Variants in PCDHGA12 observed in about 807,000 individuals in gnomAD.
The protein encoded by PCDHGA12 is protocadherin gamma subfamily A, 12.
Under a neutral mutation model 61.1 loss-of-function variants are expected in PCDHGA12, and 43 were observed. The ratio of observed to expected loss-of-function variants is 0.70; its 90% confidence interval spans 0.55 to 0.91. The LOEUF is 0.91. Ranked by LOEUF, PCDHGA12 falls within the 40% of genes least tolerant of loss-of-function variation. The pLI, the probability that PCDHGA12 is intolerant of heterozygous loss-of-function variation, is 0.00. For missense variants in PCDHGA12, 1,236 were observed against 1,227.7 expected, an observed-to-expected ratio of 1.01 and a Z score of -0.10; for synonymous variants, 520 against 542.9, an observed-to-expected ratio of 0.96 and a Z score of 0.59.
At position 141,489,515 on chromosome 5, in the gene PCDHGA12, G is replaced by T; in HGVS notation, c.2425-5292G>T. ...CTGGCAGTGAATCAAAAGATTGACC[G>T]AGAAAGCCTATGTGGAGCCAGCACC... On this transcript the variant is annotated intron_variant, in intron 1 of 3. Coordinates refer to ENST00000252085, the MANE Select transcript of PCDHGA12 (RefSeq NM_003735.3). This position sits in a 1 kb window ranked among gnomAD's most constrained non-coding sequence, Gnocchi z 4.5. 4.3e-6 allele frequency: 7 copies of T among 1,614,104 alleles called. No individual in the cohort carries two copies. Among genetic ancestry groups the T allele is most frequent in the Non-Finnish European group, 5.9e-6 (7 of 1,180,034 alleles).
rs951964805 is a variant in PCDHGA12, at chr5:141,512,109, C to A, written c.*936C>A. The A allele has an allele frequency of 1.0e-4, 16 of 152,656 alleles. No individual in the cohort carries two copies. The highest frequency in any genetic ancestry group is 1.5e-5 in the Non-Finnish European group (1 of 68,058). 9.5% of individuals were successfully genotyped at this position (152,656 alleles called of 1,614,324 possible). Reference sequence around the variant, plus strand: ...ACCAATAACTAGGCTGGACCCTTCCCACTACATAATAGGGCTCAGCCCAGG... The same window carrying A: ...ACCAATAACTAGGCTGGACCCTTCCAACTACATAATAGGGCTCAGCCCAGG... On this transcript the variant is annotated 3_prime_UTR_variant, in exon 4 of 4. Coordinates refer to ENST00000252085, the MANE Select transcript of PCDHGA12 (RefSeq NM_003735.3).
Position 141,432,061 on chromosome 5 carries a change from G to A in PCDHGA12, c.1302G>A (p.Thr434=). 1 of 1,614,130 alleles carries A rather than the reference G, an allele frequency of 6.2e-7. No homozygotes were observed. The highest frequency in any genetic ancestry group is 8.5e-7 in the Non-Finnish European group (1 of 1,180,034). ...ACCGGGGAACCCCGCCCCTATCCAC[G>A]GAAACTCATATCTCGCTGAACGTGG... The part of the protein sequence containing the change: ...ATDRGTPPLS[T]ETHISLNVAD... Residue 434 remains threonine, a synonymous_variant, in exon 1 of 4, where the codon ACG becomes ACA. Coordinates refer to ENST00000252085, the MANE Select transcript of PCDHGA12 (RefSeq NM_003735.3). The surrounding 1 kb of genome is among the most constrained non-coding windows in gnomAD (Gnocchi z 6.0).
rs768383792 is a variant in PCDHGA12 at position 141,476,155 on chromosome 5, C to A, written c.2425-18652C>A. 1.2e-6 allele frequency: 2 copies of A among 1,612,382 alleles called. No homozygotes were observed. Among genetic ancestry groups the A allele is most frequent in the Non-Finnish European group, 1.7e-6 (2 of 1,179,764 alleles). On this transcript the variant is annotated intron_variant, in intron 1 of 3. Coordinates refer to ENST00000252085, the MANE Select transcript of PCDHGA12 (RefSeq NM_003735.3). This position sits in a 1 kb window ranked among gnomAD's most constrained non-coding sequence, Gnocchi z 7.6. ...CCTGGAGGAGCGGACTGGTAAGCAC[C>A]GGGAGGGTAGTGGGAGTTTTGCTTC... is the stretch of plus-strand genomic sequence containing the variant.
chr5:141,510,813 C>G, intron 3 of PCDHGA12, 134 bp from the exon 4 acceptor site: 2 of 1,537,024 alleles, frequency 1.3e-6, no homozygotes, highest in Non-Finnish European at 1.8e-6. Context: ...CTTGGTGACC[C>G]CTATATTCCC....
intron 1 of PCDHGA12, among the ~76,000 whole-genome samples, chr5:141,462,218 C>T (rs2099034952): frequency 6.6e-6 from 1 of 152,180 alleles, no homozygotes; most frequent in African/African-American, 2.4e-5. Context: ...CCTCGGCCTC[C>T]CAAAGTGCAG....
At chr5:141,488,217 A>G (rs537136341) in intron 1 of PCDHGA12, among the ~76,000 whole-genome samples, 2 of 152,274 alleles carry the variant, frequency 1.3e-5, no homozygotes, top group East Asian at 1.9e-4. Flanking sequence ...TCAAGTCCCT[A>G]CTGGGGATTT....
chr5:141,492,934 G>A (rs1382515835), intron 1 of PCDHGA12, among the ~76,000 whole-genome samples: 7 of 152,236 alleles, frequency 4.6e-5, no homozygotes, highest in Admixed American at 4.6e-4. Flanking sequence ...TAGGGTCAGA[G>A]ATTTGGAGGT....
Position 141,431,897 on chromosome 5 carries a change from G to A in PCDHGA12, c.1138G>A (p.Gly380Arg). Residue 380 changes from glycine to arginine, a missense_variant, in exon 1 of 4, where the codon GGA (glycine) becomes AGA (arginine). Gly to Arg is a moderately radical substitution (Grantham distance 125, BLOSUM62 -2). Transcript: ENST00000252085. This position sits in a 1 kb window ranked among gnomAD's most constrained non-coding sequence, Gnocchi z 4.8. ...NVNDQDSEEN[G>R]QVICFIQGNL... ...AAATGACCAAGATTCTGAGGAAAAC[G>A]GACAGGTGATCTGTTTCATCCAAGG... is the stretch of plus-strand genomic sequence containing the variant. 6 of 1,613,830 alleles carry A rather than the reference G, an allele frequency of 3.7e-6. No individual in the cohort carries two copies. The highest frequency in any genetic ancestry group is 5.1e-6 in the Non-Finnish European group (6 of 1,179,704).
In PCDHGA12 at chr5:141,430,969, TAGGACGCA is replaced by T. The variant is rs775497521; in HGVS notation, c.211_218del (p.Arg71AlafsTer40). The T allele has an allele frequency of 7.3e-5, 118 of 1,613,012 alleles. 1 individual carries two copies. The Middle Eastern group carries it at 1.8e-3, about 25-fold the overall frequency. On this transcript the variant is annotated frameshift_variant, in exon 1 of 4. Transcript: ENST00000252085. LOFTEE classifies it high-confidence loss of function. ...GCGGAGTCCGCATCATCCCCAGAGG[TAGGACGCA>T]GCTTTTCGCCCTGAATCCGCGCAGC...
In PCDHGA12 at chr5:141,489,375, G is replaced by A. The variant is rs768190252; in HGVS notation, c.2425-5432G>A. The A allele has an allele frequency of 1.2e-5, 19 of 1,613,826 alleles. No individual in the cohort carries two copies. The Admixed American group carries it at 3.2e-4, about 27-fold the overall frequency. ...AGGAGTCTGAGCCGGGGACGCTGGT[G>A]GGGAATGTTGCTCAGGATCTGGGCT... On this transcript the variant is annotated intron_variant, in intron 1 of 3. Transcript: ENST00000252085. The surrounding 1 kb of genome is among the most constrained non-coding windows in gnomAD (Gnocchi z 4.5).
In PCDHGA12 at chr5:141,493,364, TTGGAAC is replaced by T. The variant is rs1405602213; in HGVS notation, c.2425-1441_2425-1436del. Among the ~76,000 whole-genome samples, 1 of 152,184 alleles carries T rather than the reference TTGGAAC, an allele frequency of 6.6e-6. No homozygotes were observed. Among genetic ancestry groups the T allele is most frequent in the South Asian group, 2.1e-4 (1 of 4,824 alleles). On this transcript the variant is annotated intron_variant, in intron 1 of 3. Coordinates refer to ENST00000252085, the MANE Select transcript of PCDHGA12 (RefSeq NM_003735.3). The surrounding 1 kb of genome is among the most constrained non-coding windows in gnomAD (Gnocchi z 4.3). Reference sequence around the variant, plus strand: ...ATGTGTGCTTTTAATTTCTTGGCACTTGGAACTTTAAAAGCTTGAGGACAGGAGAGG... The same window carrying T: ...ATGTGTGCTTTTAATTTCTTGGCACTTTTAAAAGCTTGAGGACAGGAGAGG...
intron 1 of PCDHGA12, among the ~76,000 whole-genome samples, chr5:141,445,429 C>G (rs974775529): frequency 2.6e-5 from 4 of 152,200 alleles, no homozygotes; most frequent in Non-Finnish European, 5.9e-5. Flanking sequence ...ATGCAAGGCA[C>G]TGACCTATGG....
chr5:141,465,893 C>T (rs926928579), intron 1 of PCDHGA12, among the ~76,000 whole-genome samples: 23 of 152,078 alleles, frequency 1.5e-4, no homozygotes, highest in Middle Eastern at 3.4e-3. Context: ...GAGGCCGAGG[C>T]GGGCAAATCA....
chr5:141,486,146 G>T lies in PCDHGA12; in HGVS notation c.2425-8661G>T. Reference sequence around the variant, plus strand: ...TGAATTTGATGTGCGGGCTCGCGATGGGGGTTCTCCAGCCATGGAGCAACA... The same window carrying T: ...TGAATTTGATGTGCGGGCTCGCGATTGGGGTTCTCCAGCCATGGAGCAACA... On this transcript the variant is annotated intron_variant, in intron 1 of 3. Transcript: ENST00000252085. The surrounding 1 kb of genome is among the most constrained non-coding windows in gnomAD (Gnocchi z 5.0). 6.2e-7 allele frequency: 1 copy of T among 1,614,184 alleles called. No homozygotes were observed. The highest frequency in any genetic ancestry group is 8.5e-7 in the Non-Finnish European group (1 of 1,180,032).
intron 1 of PCDHGA12, among the ~76,000 whole-genome samples, chr5:141,488,497 C>CA (rs1415483796): frequency 4.6e-5 from 7 of 152,204 alleles, no homozygotes; most frequent in African/African-American, 1.7e-4. Flanking sequence ...CTGTAACACT[C>CA]ATTCCACATT....
At chr5:141,506,247 G>A (rs113270457) in intron 3 of PCDHGA12, among the ~76,000 whole-genome samples, 8,033 of 152,078 alleles carry the variant, frequency 0.053, 470 homozygotes, top group African/African-American at 0.14. Flanking sequence ...TCAGGAGTTC[G>A]AAACCGGCCT....
Position 141,485,754 on chromosome 5 carries a change from T to A in PCDHGA12, c.2425-9053T>A, listed in dbSNP as rs770807249. ...AGCGACGGCAGCCTGGTCCCAGAGC[T>A]GCTCCTGGAGAAGCCTTTGGATCGA... On this transcript the variant is annotated intron_variant, in intron 1 of 3. Transcript: ENST00000252085. This position sits in a 1 kb window ranked among gnomAD's most constrained non-coding sequence, Gnocchi z 5.7. 1 of 1,614,236 alleles carries A rather than the reference T, an allele frequency of 6.2e-7. No individual in the cohort carries two copies. The highest frequency in any genetic ancestry group is 8.5e-7 in the Non-Finnish European group (1 of 1,180,044).
At position 141,430,818 on chromosome 5, in the gene PCDHGA12, T is replaced by G. The variant is rs1240970813; in HGVS notation, c.59T>G (p.Leu20Arg). 2 of 1,540,582 alleles carry G rather than the reference T, an allele frequency of 1.3e-6. No homozygotes were observed. The highest frequency in any genetic ancestry group is 1.7e-6 in the Non-Finnish European group (2 of 1,148,186). The change falls in exon 1 of 4, where the codon CTG becomes CGG. Residue 20 changes from leucine (L) to arginine (R), a missense_variant. Physicochemically the swap from Leu to Arg is moderately radical, Grantham distance 102. Transcript: ENST00000252085. The part of the protein sequence containing the change: ...YKGLVLLGIL[L>R]GTLWETGCTQ... The stretch of plus-strand genomic sequence containing the variant: ...GGGCTTGTCCTGCTGGGAATCCTCC[T>G]GGGGACTCTGTGGGAGACCGGATGC...
intron 1 of PCDHGA12, 142 bp downstream of exon 1, chr5:141,433,325 C>CA: frequency 2.8e-6 from 2 of 726,266 alleles, no homozygotes; most frequent in Non-Finnish European, 4.5e-6. Context: ...TCCGGTGTAA[C>CA]AGGGACTACA....
Sources: gnomAD v4.1 joint callset for allele counts (sites outside exome capture counted in the v4.1 genomes callset) on GRCh38, gnomAD v4.1.1 for gene constraint, Gnocchi (gnomAD v3.1) non-coding constraint, MANE v1.5 for transcripts, NCBI Gene and HGNC (gene_info 2026-07-23, HGNC 2026-07-21) for gene names.